Variants in CR1 observed in about 807,000 individuals in gnomAD.
CR1 encodes complement receptor type 1.
In CR1, 116 loss-of-function variants were observed where a neutral mutation model predicts 187.3. The ratio of observed to expected loss-of-function variants is 0.62; its 90% confidence interval spans 0.53 to 0.72. CR1 has a LOEUF of 0.72. CR1 is among the 30% of genes least tolerant of loss of function. CR1 has a pLI of 0.00. For synonymous variants in CR1, 576 were observed against 747.1 expected (o/e 0.77, Z 3.73); for missense variants, 1,731 against 2,110.7 (o/e 0.82, Z 3.52).
intron 45 of CR1, among the ~76,000 whole-genome samples, chr1:207,623,584 CAAA>C (rs1214025375): frequency 7.4e-6 from 1 of 135,694 alleles, no homozygotes; most frequent in Non-Finnish European, 1.5e-5. Flanking sequence ...GACTACATCT[CAAA>C]ACACACACAC....
At chr1:207,582,180 T>G (rs1416067140) in intron 32 of CR1, among the ~76,000 whole-genome samples, 177 bp downstream of exon 32, 1 of 152,212 alleles carries the variant, frequency 6.6e-6, no homozygotes, top group Non-Finnish European at 1.5e-5. Flanking sequence ...GAGAATCATG[T>G]GTTTTGGGTA....
At chr1:207,584,611 A>G in intron 32 of CR1, 38 bp from the exon 33 acceptor site, 1 of 1,601,994 alleles carries the variant, frequency 6.2e-7, no homozygotes, top group Non-Finnish European at 8.5e-7. Context: ...ATACTTTAAA[A>G]TTTTTTATGG....
intron 27 of CR1, among the ~76,000 whole-genome samples, chr1:207,573,371 G>T (rs561593281): frequency 2.3e-4 from 35 of 152,138 alleles, no homozygotes; most frequent in South Asian, 8.3e-4. Context: ...GAATAAATCC[G>T]ATGTCTCCTT....
chr1:207,621,634 T>C (rs917005207), intron 43 of CR1, among the ~76,000 whole-genome samples: 1 of 152,212 alleles, frequency 6.6e-6, no homozygotes, highest in African/African-American at 2.4e-5. Context: ...AACTTATATT[T>C]CTAGTATATA....
intron 41 of CR1, among the ~76,000 whole-genome samples, chr1:207,617,606 TATATATAGAGAGAGAGAG>T (rs1215239961): frequency 0.015 from 272 of 18,016 alleles, 1 homozygote; most frequent in East Asian, 0.039. Flanking sequence ...TATATATATA[TATATATAGAGAGAGAGAG>T]AGAGAGAGAG....
At chr1:207,520,954 T>TC (rs1659968686) in intron 4 of CR1, among the ~76,000 whole-genome samples, 1 of 149,950 alleles carries the variant, frequency 6.7e-6, no homozygotes, top group Admixed American at 6.7e-5. Flanking sequence ...TTGCACATTT[T>TC]TTTTTTTTTG....
At chr1:207,592,068 G>A (rs546127642) in intron 35 of CR1, among the ~76,000 whole-genome samples, 4 of 152,316 alleles carry the variant, frequency 2.6e-5, no homozygotes, top group African/African-American at 9.6e-5. Flanking sequence ...AATAGAAAAA[G>A]AGGGACTCCT....
In CR1 at chr1:207,584,744, T is replaced by A. The variant is rs1312864919; in HGVS notation, c.5398T>A (p.Cys1800Ser). The change falls in exon 33 of 47, where the codon TGT becomes AGT. Residue 1800 changes from cysteine to serine, a missense_variant. Physicochemically the swap from Cys to Ser is moderately radical, Grantham distance 112. This residue lies in a region of CR1 where 1,312 missense variants were observed against 1,379.6 expected (regional missense o/e 0.95). Coordinates refer to ENST00000367049, the MANE Select transcript of CR1 (RefSeq NM_000651.6). ...CTATGGAAAAGAAATATCTTACACA[T>A]GTGACCCCCACCCAGACAGAGGGAT... Reference protein sequence around the residue: ...IPYGKEISYTCDPHPDRGMTF... With the variant: ...IPYGKEISYTSDPHPDRGMTF... 1.2e-6 allele frequency: 2 copies of A among 1,613,782 alleles called. No individual in the cohort carries two copies. Among genetic ancestry groups the A allele is most frequent in the Non-Finnish European group, 1.7e-6 (2 of 1,179,842 alleles).
intron 2 of CR1, 27 bp from the exon 3 acceptor site, chr1:207,506,687 C>T: frequency 6.2e-7 from 1 of 1,603,386 alleles, no homozygotes; most frequent in East Asian, 2.2e-5. Context: ...CTCTACTTGG[C>T]TCCAAAATTC....
chr1:207,574,437 G>GC (rs1415635017), intron 27 of CR1, among the ~76,000 whole-genome samples: 1 of 152,056 alleles, frequency 6.6e-6, no homozygotes, highest in African/African-American at 2.4e-5. Flanking sequence ...TAAAGGATAA[G>GC]AAAGACACAA....
At chr1:207,617,950 C>A in intron 41 of CR1, 121 bp from the exon 42 acceptor site, 1 of 1,062,720 alleles carries the variant, frequency 9.4e-7, no homozygotes, top group Non-Finnish European at 1.3e-6. Context: ...GGCTTATGAC[C>A]TGGCTGGTTG....
At chr1:207,635,001 C>A (rs1558284879) in intron 46 of CR1, among the ~76,000 whole-genome samples, 2 of 152,228 alleles carry the variant, frequency 1.3e-5, no homozygotes, top group Non-Finnish European at 2.9e-5. Flanking sequence ...TCATTAATCT[C>A]TCTGTTTTCT....
chr1:207,504,347 T>G (rs1429921833), intron 1 of CR1, among the ~76,000 whole-genome samples: 1 of 152,228 alleles, frequency 6.6e-6, no homozygotes, highest in African/African-American at 2.4e-5. Context: ...GAGGCAGAGA[T>G]ATTTTATTAT....
At chr1:207,610,474 A>G (rs1007799382) in intron 37 of CR1, among the ~76,000 whole-genome samples, 1 of 152,126 alleles carries the variant, frequency 6.6e-6, no homozygotes, top group Non-Finnish European at 1.5e-5. Context: ...CTGGAACTCC[A>G]GGTGCTCACT....
Position 207,506,076 on chromosome 1 carries a change from G to A in CR1, c.294G>A (p.Arg98=), listed in dbSNP as rs750911871. The A allele has an allele frequency of 1.9e-6, 3 of 1,613,424 alleles. No homozygotes were observed. The highest frequency in any genetic ancestry group is 2.5e-6 in the Non-Finnish European group (3 of 1,179,710). ...CAGTCTGGACTGGTGCTAAGGACAG[G>A]TGCAGACGTAAGTAACTCTGGAGTG... ...KNSVWTGAKD[R]CRRKSCRNPP... Residue 98 remains arginine (R), a synonymous_variant, in exon 2 of 47, where the codon AGG becomes AGA. Coordinates refer to ENST00000367049, the MANE Select transcript of CR1 (RefSeq NM_000651.6).
chr1:207,609,368 C>CGGTGGT lies in CR1; in HGVS notation c.5976_5981dup (p.Val1993_Val1994dup). On this transcript the variant is annotated inframe_insertion, in exon 37 of 47. Transcript: ENST00000367049. ...AATAGAACATCTTTTCACAATGGAA[C>CGGTGGT]GGTGGTAACTTACCAGTGCCACACT... is the stretch of plus-strand genomic sequence containing the variant. 6.2e-7 allele frequency: 1 copy of CGGTGGT among 1,613,946 alleles called. No individual in the cohort carries two copies. Among genetic ancestry groups the CGGTGGT allele is most frequent in the Non-Finnish European group, 8.5e-7 (1 of 1,179,874 alleles).
chr1:207,626,653 C>CA (rs1369427245), intron 45 of CR1, among the ~76,000 whole-genome samples: 1 of 152,242 alleles, frequency 6.6e-6, no homozygotes, highest in Non-Finnish European at 1.5e-5. Context: ...GAGCCACAGT[C>CA]ACACCAGGCC....
Position 207,514,497 on chromosome 1 carries a change from C to T in CR1, c.487+2843C>T, listed in dbSNP as rs565745821. ...GATTAGCGTCCTAATAAAAGAGGCC[C>T]GGAAGAGCTCCTTTGGCCCTCCCAC... On this transcript the variant is annotated intron_variant, in intron 4 of 46. Transcript: ENST00000367049. Among the ~76,000 whole-genome samples, 72 of 152,158 alleles carry T rather than the reference C, an allele frequency of 4.7e-4. 1 individual carries two copies. Among genetic ancestry groups the T allele is most frequent in the Admixed American group, 4.2e-3 (64 of 15,258 alleles).
At chr1:207,515,677 C>A (rs1436198083) in intron 4 of CR1, among the ~76,000 whole-genome samples, 3 of 152,044 alleles carry the variant, frequency 2.0e-5, no homozygotes, top group African/African-American at 7.2e-5. Context: ...TCTTGAGTAC[C>A]TTTTCACGTT....
Sources: gnomAD v4.1 joint callset for allele counts (sites outside exome capture counted in the v4.1 genomes callset) on GRCh38, gnomAD v4.1.1 for gene constraint, gnomAD v4.1.1 regional missense constraint, MANE v1.5 for transcripts, NCBI Gene and HGNC (gene_info 2026-07-23, HGNC 2026-07-21) for gene names.